The following SLC44A5 variants were observed in gnomAD, a reference collection of about 807,000 sequenced individuals.
SLC44A5 encodes solute carrier family 44 member 5, also known as choline transporter-like protein 5.
A neutral mutation model predicts 101.8 loss-of-function variants in SLC44A5; 57 were observed. The observed-to-expected ratio is 0.56, with a 90% CI of 0.45 to 0.70. SLC44A5 has a LOEUF of 0.70. Ranked by LOEUF, SLC44A5 falls within the 30% of genes least tolerant of loss-of-function variation. The pLI is 0.00. For synonymous variants in SLC44A5, 281 were observed against 290.9 expected, an observed-to-expected ratio of 0.97 and a Z score of 0.35; for missense variants, 737 against 853.1, an observed-to-expected ratio of 0.86 and a Z score of 1.70.
Position 75,219,893 on chromosome 1 carries a change from C to A in SLC44A5, c.1086-1G>T. On this transcript the variant is annotated splice_acceptor_variant, in intron 14 of 23. Coordinates refer to ENST00000370859, the MANE Select transcript of SLC44A5 (RefSeq NM_001130058.2). LOFTEE classifies it high-confidence loss of function. ...TGTACTAGGAACATATCCAATGGCT[C>A]TGAAATAAAACAAATAGTTGAAATT... 6.3e-7 allele frequency: 1 copy of A among 1,586,608 alleles called. No homozygotes were observed. The highest frequency in any genetic ancestry group is 8.6e-7 in the Non-Finnish European group (1 of 1,160,646).
intron 2 of SLC44A5, among the ~76,000 whole-genome samples, chr1:75,397,109 T>C (rs1662172891): frequency 6.6e-6 from 1 of 152,194 alleles, no homozygotes; most frequent in African/African-American, 2.4e-5. Context: ...AATTCAGCAG[T>C]CCCACCTTAA....
chr1:75,328,448 T>A (rs1656775514), intron 4 of SLC44A5, among the ~76,000 whole-genome samples: 1 of 152,036 alleles, frequency 6.6e-6, no homozygotes, highest in Non-Finnish European at 1.5e-5. Flanking sequence ...AAGGGTCAGG[T>A]GAATTTGGGT....
At chr1:75,447,980 A>G (rs1665684273) in intron 2 of SLC44A5, among the ~76,000 whole-genome samples, 1 of 152,148 alleles carries the variant, frequency 6.6e-6, no homozygotes, top group South Asian at 2.1e-4. Flanking sequence ...GTTTTAAAAC[A>G]TTTTTATTAA....
At position 75,445,961 on chromosome 1, in the gene SLC44A5, T is replaced by A. The variant is rs549977466; in HGVS notation, c.14-49340A>T. 3.3e-5 allele frequency among the ~76,000 whole-genome samples: 5 copies of A among 152,268 alleles called. No individual in the cohort carries two copies. In the East Asian group the frequency reaches 7.7e-4, roughly 23 times the overall value. On this transcript the variant is annotated intron_variant, in intron 2 of 23. Coordinates refer to ENST00000370859, the MANE Select transcript of SLC44A5 (RefSeq NM_001130058.2). ...TTCCCCTTGATTTCTGTTTCTCTTG[T>A]ACCTCACATCCAATCCATCAGCAAC...
chr1:75,684,296 A>T, the SLC44A5 span, among the ~76,000 whole-genome samples: 2 of 152,128 alleles, frequency 1.3e-5, no homozygotes, highest in Non-Finnish European at 2.9e-5. Context: ...AAACCATATT[A>T]TTGCATCCTT....
chr1:75,682,513 C>T, the SLC44A5 span, among the ~76,000 whole-genome samples: 56 of 151,942 alleles, frequency 3.7e-4, no homozygotes, highest in African/African-American at 1.3e-3. Flanking sequence ...GAAAGGATTC[C>T]CTATTTAATA....
rs1486530177 is a variant in SLC44A5 at position 75,383,816 on chromosome 1, G to T, written c.52+12767C>A. On this transcript the variant is annotated intron_variant, in intron 3 of 23. Coordinates refer to ENST00000370859, the MANE Select transcript of SLC44A5 (RefSeq NM_001130058.2). ...AAGGGCAGCCAGAGAGAAAGGTCGG[G>T]TTACCCTCAAAGGGAAGCCCATCAG... 4.6e-5 allele frequency among the ~76,000 whole-genome samples: 7 copies of T among 152,056 alleles called. No homozygotes were observed. In the East Asian group the frequency reaches 1.4e-3, roughly 29 times the overall value.
intron 3 of SLC44A5, among the ~76,000 whole-genome samples, chr1:75,371,579 A>C (rs1660224601): frequency 6.6e-6 from 1 of 152,202 alleles, no homozygotes; most frequent in South Asian, 2.1e-4. Flanking sequence ...AAAAATGAAA[A>C]ACAGTGGAGA....
chr1:75,700,538 C>T, the SLC44A5 span, among the ~76,000 whole-genome samples: 1 of 152,184 alleles, frequency 6.6e-6, no homozygotes, highest in East Asian at 1.9e-4. Context: ...GCACTAAATG[C>T]CCACAAGAGA....
the SLC44A5 span, among the ~76,000 whole-genome samples, chr1:75,686,420 C>T: frequency 6.6e-6 from 1 of 152,162 alleles, no homozygotes; most frequent in Non-Finnish European, 1.5e-5. Flanking sequence ...GAGAATGAAA[C>T]ACCTCAACAT....
the SLC44A5 span, among the ~76,000 whole-genome samples, chr1:75,682,064 T>C: frequency 3.3e-5 from 5 of 152,170 alleles, no homozygotes; most frequent in African/African-American, 4.8e-5. Context: ...GAAGGACCTC[T>C]TCAAGGAGAA....
At chr1:75,300,533 A>G in intron 5 of SLC44A5, 79 bp downstream of exon 5, 2 of 957,824 alleles carry the variant, frequency 2.1e-6, no homozygotes, top group Non-Finnish European at 1.6e-6. Context: ...GAAGACAATA[A>G]TTAATTTTTT....
chr1:75,378,793 TAAAGA>T (rs1406118948), intron 3 of SLC44A5, among the ~76,000 whole-genome samples: 5 of 80,612 alleles, frequency 6.2e-5, no homozygotes, highest in Admixed American at 4.9e-4. Flanking sequence ...AAACGCAGGT[TAAAGA>T]AAATAAGACC....
At position 75,492,325 on chromosome 1, in the gene SLC44A5, A is replaced by G. The variant is rs934773668; in HGVS notation, c.13+49110T>C. 2.0e-5 allele frequency among the ~76,000 whole-genome samples: 3 copies of G among 152,230 alleles called. No individual in the cohort carries two copies. The East Asian group carries it at 5.8e-4, about 29-fold the overall frequency. The stretch of plus-strand genomic sequence containing the variant: ...ACTAGCCTGTCAAAACTTTAGTAGC[A>G]TAACAGAAACATTTTCTGAGAATAT... On this transcript the variant is annotated intron_variant, in intron 2 of 23. Transcript: ENST00000370859.
chr1:75,362,085 G>A (rs558015565), intron 3 of SLC44A5, among the ~76,000 whole-genome samples: 1 of 151,978 alleles, frequency 6.6e-6, no homozygotes, highest in South Asian at 2.1e-4. Context: ...TATCCAATTT[G>A]TTGACATATA....
At chr1:75,604,756 G>T (rs990238039) in intron 1 of SLC44A5, among the ~76,000 whole-genome samples, 16 of 86,158 alleles carry the variant, frequency 1.9e-4, no homozygotes, top group African/African-American at 5.1e-4. Context: ...GAAACCAAGG[G>T]GTGTGTGTGT....
chr1:75,455,877 A>G (rs1666159742), intron 2 of SLC44A5, among the ~76,000 whole-genome samples: 1 of 152,056 alleles, frequency 6.6e-6, no homozygotes, highest in Non-Finnish European at 1.5e-5. Context: ...TGGTGAGACT[A>G]CAGAGAAAGG....
the SLC44A5 span, among the ~76,000 whole-genome samples, chr1:75,619,243 G>GGAAGGGAGGAAGGAAC: frequency 7.3e-5 from 11 of 150,850 alleles, no homozygotes; most frequent in African/African-American, 2.4e-4. Flanking sequence ...GAGGGAGGGA[G>GGAAGGGAGGAAGGAAC]GAAGGGAGGA....
At chr1:75,710,625 A>G in the SLC44A5 span, 1 of 151,452 alleles carries the variant, frequency 6.6e-6, no homozygotes, top group Non-Finnish European at 1.5e-5. Flanking sequence ...TAAAAAGCAT[A>G]GAGATAGATG....
Sources: allele counts gnomAD v4.1 joint callset (sites outside exome capture counted in the v4.1 genomes callset), GRCh38; gene constraint gnomAD v4.1.1; transcripts MANE v1.5; gene names NCBI Gene and HGNC (gene_info 2026-07-23, HGNC 2026-07-21).